The following NUGGC variants were observed in gnomAD, a reference collection of about 807,000 sequenced individuals.
The protein encoded by NUGGC is nuclear GTPase SLIP-GC.
In NUGGC, 58 loss-of-function variants were observed where a neutral mutation model predicts 92.6. The ratio of observed to expected loss-of-function variants is 0.63; its 90% CI spans 0.51 to 0.78. The LOEUF is 0.78. Among genes scored for constraint, NUGGC ranks in the 30% least tolerant of loss-of-function variants. The pLI, the probability that NUGGC is intolerant of heterozygous loss-of-function variation, is 0.00. For missense variants in NUGGC, 925 were observed against 964.6 expected (o/e 0.96, Z 0.54); for synonymous variants, 376 against 366.4 (o/e 1.03, Z -0.30).
In NUGGC at chr8:28,031,375, C is replaced by T. The variant is rs574764382; in HGVS notation, c.1776G>A (p.Gly592=). 4 of 1,613,522 alleles carry T rather than the reference C, an allele frequency of 2.5e-6. No homozygotes were observed. The African/African-American group carries it at 5.3e-5, about 22-fold the overall frequency. Residue 592 remains glycine, a synonymous_variant, in exon 15 of 19, where the codon GGG becomes GGA. Coordinates refer to ENST00000413272, the MANE Select transcript of NUGGC (RefSeq NM_001010906.2). ...GCATCAGAGCTGAACCAGTGGGCTT[C>T]CCCGTCCTACGGAAGAAAGTGACAA... ...DPVFGSIFRT[G]KPTGSALMPH...
intron 9 of NUGGC, among the ~76,000 whole-genome samples, chr8:28,057,501 C>G (rs1026756692): frequency 1.3e-5 from 2 of 151,860 alleles, no homozygotes; most frequent in South Asian, 2.1e-4. Context: ...TCCACCAGGC[C>G]CAGCTAATTT....
At chr8:28,045,262 G>T (rs1809800416) in intron 12 of NUGGC, among the ~76,000 whole-genome samples, 1 of 152,150 alleles carries the variant, frequency 6.6e-6, no homozygotes, top group South Asian at 2.1e-4. Context: ...CCTTGTTCGA[G>T]TCTCAGGAGA....
At chr8:28,043,151 G>A (rs1278516145) in intron 12 of NUGGC, among the ~76,000 whole-genome samples, 1 of 152,200 alleles carries the variant, frequency 6.6e-6, no homozygotes, top group African/African-American at 2.4e-5. Flanking sequence ...AAAGCTATGG[G>A]CATGATTCTC....
At chr8:28,049,183 A>C (rs1349896472) in intron 10 of NUGGC, among the ~76,000 whole-genome samples, 5 of 152,128 alleles carry the variant, frequency 3.3e-5, no homozygotes, top group Non-Finnish European at 7.4e-5. Context: ...GGCAAGCTAT[A>C]AGCACGTGTA....
intron 9 of NUGGC, 102 bp from the exon 10 acceptor site, chr8:28,056,156 ACAGT>A: frequency 1.5e-6 from 1 of 666,834 alleles, no homozygotes; most frequent in Non-Finnish European, 2.6e-6. Flanking sequence ...TTTGGTCCAA[ACAGT>A]CAAATATGCA....
Position 28,028,216 on chromosome 8 carries a change from A to G in NUGGC, c.2154+1050T>C, listed in dbSNP as rs184747090. ...CTGGGTGTCTTAAGATCCAGTGTCT[A>G]TGTACACAATGGGGAAATGGGAACT... On this transcript the variant is annotated intron_variant, in intron 17 of 18. Transcript: ENST00000413272. Among the ~76,000 whole-genome samples the G allele has an allele frequency of 9.8e-4, 149 of 152,310 alleles. 1 individual carries two copies. Among genetic ancestry groups the G allele is most frequent in the African/African-American group, 3.3e-3 (138 of 41,568 alleles).
chr8:28,029,013 T>C (rs1809341894), intron 17 of NUGGC, among the ~76,000 whole-genome samples: 1 of 152,100 alleles, frequency 6.6e-6, no homozygotes, highest in Non-Finnish European at 1.5e-5. Flanking sequence ...ACAGACTTGC[T>C]GGGGATTAAA....
chr8:28,045,314 A>C (rs943378153), intron 12 of NUGGC, among the ~76,000 whole-genome samples: 1 of 152,178 alleles, frequency 6.6e-6, no homozygotes, highest in Non-Finnish European at 1.5e-5. Flanking sequence ...CTCTCAGCCC[A>C]TCTGTCCCAG....
Position 28,068,251 on chromosome 8 carries a change from G to A in NUGGC, c.445C>T (p.Gln149Ter). 1 of 1,550,360 alleles carries A rather than the reference G, an allele frequency of 6.5e-7. No individual in the cohort carries two copies. Among genetic ancestry groups the A allele is most frequent in the Middle Eastern group, 2.1e-4 (1 of 4,662 alleles). ...IVQVSSGCCVQYEAKIHLLSD... is the reference protein window; with the variant it reads ...IVQVSSGCCV ...AGAAGGTGGATTTTGGCCTCATACT[G>A]CACACAGCAGCCAGAGCTCACTTGT... The change falls in exon 5 of 19, where the codon CAG (glutamine) becomes TAG (stop). Residue 149 changes from glutamine to a stop codon, truncating the protein, a stop_gained. Transcript: ENST00000413272. LOFTEE classifies it high-confidence loss of function.
intron 1 of NUGGC, among the ~76,000 whole-genome samples, chr8:28,081,273 C>T (rs57560166): frequency 0.1 from 15,286 of 151,964 alleles, 1,005 homozygotes; most frequent in East Asian, 0.32. Flanking sequence ...GAGTTGAGAT[C>T]GCACCACTGC....
At chr8:28,060,154 C>A in intron 8 of NUGGC, 1 of 577,050 alleles carries the variant, frequency 1.7e-6, no homozygotes, top group African/African-American at 1.8e-5. Context: ...ACACCATCTG[C>A]ATCTGGTACA....
chr8:28,028,364 T>TA (rs1308098381), intron 17 of NUGGC, among the ~76,000 whole-genome samples: 1 of 152,228 alleles, frequency 6.6e-6, no homozygotes, highest in African/African-American at 2.4e-5. Flanking sequence ...CAAGGGGAAT[T>TA]ACATGCTTTG....
At chr8:28,083,453 G>A (rs1280064392) in intron 1 of NUGGC, among the ~76,000 whole-genome samples, 1 of 152,158 alleles carries the variant, frequency 6.6e-6, no homozygotes, top group Non-Finnish European at 1.5e-5. Flanking sequence ...CAGCTAAGAG[G>A]AGCCTAAGGG....
At chr8:28,082,377 ATT>A in intron 1 of NUGGC, among the ~76,000 whole-genome samples, 1 of 152,218 alleles carries the variant, frequency 6.6e-6, no homozygotes, top group African/African-American at 2.4e-5. Context: ...AGCGAAACGA[ATT>A]TGAATCTTCT....
chr8:28,067,748 C>G lies in NUGGC; in HGVS notation c.481-4G>C, dbSNP rs1343269202. On this transcript the variant is annotated splice_region_variant and splice_polypyrimidine_tract_variant and intron_variant, in intron 5 of 18. Coordinates refer to ENST00000413272, the MANE Select transcript of NUGGC (RefSeq NM_001010906.2). ...TCTTCAGCTCCTCCCTCCACTCCTG[C>G]CAAGGCAGAGTAGGGCCAAGCCCCT... is the stretch of plus-strand genomic sequence containing the variant. 2.5e-6 allele frequency: 4 copies of G among 1,608,214 alleles called. No individual in the cohort carries two copies. The highest frequency in any genetic ancestry group is 3.4e-6 in the Non-Finnish European group (4 of 1,176,738).
intron 18 of NUGGC, among the ~76,000 whole-genome samples, chr8:28,024,952 T>C (rs1809219614): frequency 6.6e-6 from 1 of 152,200 alleles, no homozygotes; most frequent in African/African-American, 2.4e-5. Context: ...CAGGGAGACC[T>C]TCCTTTACCA....
intron 11 of NUGGC, among the ~76,000 whole-genome samples, chr8:28,046,397 A>C (rs989551395): frequency 6.6e-6 from 1 of 152,058 alleles, no homozygotes; most frequent in Admixed American, 6.6e-5. Flanking sequence ...TGCAGTCCTG[A>C]CCCTGCCTGC....
chr8:28,027,916 A>G lies in NUGGC; in HGVS notation c.2155-864T>C, dbSNP rs527755547. Among the ~76,000 whole-genome samples the G allele has an allele frequency of 9.2e-5, 14 of 152,348 alleles. No homozygotes were observed. The East Asian group carries it at 2.7e-3, about 29-fold the overall frequency. On this transcript the variant is annotated intron_variant, in intron 17 of 18. Coordinates refer to ENST00000413272, the MANE Select transcript of NUGGC (RefSeq NM_001010906.2). The stretch of plus-strand genomic sequence containing the variant: ...GACTAATCTGTATATTCAACAAAAT[A>G]CTATTCCATTCTTTAATTTACAGGA...
At chr8:28,039,221 T>C (rs570063951) in intron 13 of NUGGC, among the ~76,000 whole-genome samples, 1 of 146,432 alleles carries the variant, frequency 6.8e-6, no homozygotes, top group South Asian at 2.1e-4. Flanking sequence ...AGCACATGCA[T>C]CTACTTATCT....
Sources: gnomAD v4.1 joint callset for allele counts (sites outside exome capture counted in the v4.1 genomes callset) on GRCh38, gnomAD v4.1.1 for gene constraint, MANE v1.5 for transcripts, NCBI Gene and HGNC (gene_info 2026-07-23, HGNC 2026-07-21) for gene names.